Variants in PLXNA2 observed in about 807,000 individuals in gnomAD.
The protein encoded by PLXNA2 is plexin A2.
PLXNA2 carries 91 observed loss-of-function variants against 193.5 expected under a neutral mutation model. The observed-to-expected ratio is 0.47, with a 90% confidence interval of 0.40 to 0.56. The LOEUF (loss-of-function observed/expected upper bound fraction) is 0.56. PLXNA2 is among the 20% of genes least tolerant of loss of function. The pLI, the probability that PLXNA2 is intolerant of heterozygous loss-of-function variation, is 0.00. For synonymous variants in PLXNA2, 997 were observed against 1,027.3 expected (o/e 0.97, Z 0.56); for missense variants, 1,995 against 2,503.2 (o/e 0.80, Z 4.33).
chr1:208,091,195 G>A (rs564991186), intron 9 of PLXNA2, among the ~76,000 whole-genome samples: 1 of 152,300 alleles, frequency 6.6e-6, no homozygotes, highest in Admixed American at 6.5e-5. Context: ...AGCCACCTGT[G>A]GCATCTATGT....
At chr1:208,136,928 T>C (rs1334264715) in intron 4 of PLXNA2, among the ~76,000 whole-genome samples, 1 of 152,224 alleles carries the variant, frequency 6.6e-6, no homozygotes, top group East Asian at 1.9e-4. Context: ...GCTGGGTGAT[T>C]TATATGCATT....
chr1:208,080,868 T>C (rs1007327383), intron 11 of PLXNA2, among the ~76,000 whole-genome samples: 1 of 152,202 alleles, frequency 6.6e-6, no homozygotes, highest in African/African-American at 2.4e-5. Context: ...TCATCTGAGT[T>C]CACACAGCTG....
intron 4 of PLXNA2, among the ~76,000 whole-genome samples, chr1:208,138,195 A>T (rs1668358200): frequency 6.6e-6 from 1 of 152,224 alleles, no homozygotes; most frequent in Non-Finnish European, 1.5e-5. Flanking sequence ...AGCAATACAC[A>T]TTCAGTAGAA....
intron 1 of PLXNA2, among the ~76,000 whole-genome samples, chr1:208,223,227 C>G (rs1421231945): frequency 6.8e-6 from 1 of 147,582 alleles, no homozygotes; most frequent in Non-Finnish European, 1.5e-5. Flanking sequence ...TATTCCAACC[C>G]ACTGTTTTTT....
intron 3 of PLXNA2, among the ~76,000 whole-genome samples, chr1:208,174,959 G>A (rs1197878725): frequency 2.0e-5 from 3 of 152,182 alleles, no homozygotes; most frequent in Admixed American, 1.3e-4. Flanking sequence ...TACCTCCCTG[G>A]TGCTGGGAAC....
chr1:208,149,776 C>G (rs1025078808), intron 3 of PLXNA2, among the ~76,000 whole-genome samples: 1 of 152,100 alleles, frequency 6.6e-6, no homozygotes, highest in African/African-American at 2.4e-5. Context: ...AGATTTAAGT[C>G]TTTGGTAAAT....
intron 1 of PLXNA2, among the ~76,000 whole-genome samples, chr1:208,223,531 G>A (rs967814505): frequency 3.3e-5 from 5 of 152,186 alleles, no homozygotes; most frequent in Non-Finnish European, 7.3e-5. Flanking sequence ...AAAGAGGGGC[G>A]GATTAAGGGG....
At chr1:208,126,529 G>A (rs1667980661) in intron 4 of PLXNA2, among the ~76,000 whole-genome samples, 1 of 152,186 alleles carries the variant, frequency 6.6e-6, no homozygotes, top group Non-Finnish European at 1.5e-5. Context: ...TAGGCACTAT[G>A]CTCATGAAGC....
At chr1:208,162,844 C>A (rs1422828764) in intron 3 of PLXNA2, among the ~76,000 whole-genome samples, 1 of 152,120 alleles carries the variant, frequency 6.6e-6, no homozygotes, top group Non-Finnish European at 1.5e-5. Flanking sequence ...TAATCCCACT[C>A]CAAAGTCTGT....
intron 1 of PLXNA2, among the ~76,000 whole-genome samples, chr1:208,243,335 T>TGG (rs1179532633): frequency 6.6e-6 from 1 of 151,908 alleles, no homozygotes; most frequent in African/African-American, 2.4e-5. Flanking sequence ...AGGTGCGCGG[T>TGG]GGAGGCGCGC....
intron 3 of PLXNA2, among the ~76,000 whole-genome samples, chr1:208,186,705 G>A (rs1285399092): frequency 1.1e-5 from 1 of 88,500 alleles, no homozygotes; most frequent in Non-Finnish European, 2.2e-5. Context: ...GAATTGCAAT[G>A]TTATTTTATT....
intron 12 of PLXNA2, among the ~76,000 whole-genome samples, chr1:208,074,425 C>T (rs1006035045): frequency 1.6e-4 from 25 of 152,302 alleles, no homozygotes; most frequent in Non-Finnish European, 3.4e-4. Flanking sequence ...TGGGGGACAG[C>T]ATCATTATCA....
chr1:208,065,402 C>T (rs1035869164), intron 12 of PLXNA2, among the ~76,000 whole-genome samples: 25 of 152,182 alleles, frequency 1.6e-4, no homozygotes, highest in African/African-American at 4.8e-4. Context: ...ATCTCAATAT[C>T]CTCATTCAAA....
chr1:208,124,500 G>A (rs1315385377), intron 4 of PLXNA2, among the ~76,000 whole-genome samples: 3 of 151,868 alleles, frequency 2.0e-5, no homozygotes, highest in South Asian at 2.1e-4. Context: ...CCAACATGGC[G>A]AAACCCTATC....
rs571268915 is a variant in PLXNA2, at chr1:208,077,827, C to T, written c.2586+1433G>A. On this transcript the variant is annotated intron_variant, in intron 12 of 31. Coordinates refer to ENST00000367033, the MANE Select transcript of PLXNA2 (RefSeq NM_025179.4). ...AGAATAAAATGGGATTGAAGTAGCT[C>T]TGTCTTTGAAAGGCAGTGTCTGTGC... 6.6e-5 allele frequency among the ~76,000 whole-genome samples: 10 copies of T among 152,228 alleles called. No homozygotes were observed. The South Asian group carries it at 2.1e-3, about 32-fold the overall frequency.
rs151196533 is a variant in PLXNA2 at position 208,034,322 on chromosome 1, A to G, written c.4864+171T>C. ...CCTGCTCCCACGGCTCTGAGGGCGC[A>G]GGCTGCCTGGGAATGCCTGGACTAG... On this transcript the variant is annotated intron_variant, in intron 27 of 31. Transcript: ENST00000367033. Among the ~76,000 whole-genome samples, 46 of 152,362 alleles carry G rather than the reference A, an allele frequency of 3.0e-4. No individual in the cohort carries two copies. In the East Asian group the frequency reaches 3.9e-3, roughly 13 times the overall value.
At chr1:208,149,540 A>ATGTGTGTATAAGTGTGG (rs1189826101) in intron 3 of PLXNA2, among the ~76,000 whole-genome samples, 1 of 150,554 alleles carries the variant, frequency 6.6e-6, no homozygotes, top group Non-Finnish European at 1.5e-5. Context: ...TGTATGCAGT[A>ATGTGTGTATAAGTGTGG]TGTGTGTATA....
intron 29 of PLXNA2, 33 bp downstream of exon 29, chr1:208,031,557 C>A (rs1369130507): frequency 4.3e-6 from 7 of 1,613,216 alleles, no homozygotes; most frequent in Non-Finnish European, 5.1e-6. Flanking sequence ...CCTCTCCAGG[C>A]TGCACCTCCT....
rs201059045 is a variant in PLXNA2, at chr1:208,216,813, G to A, written c.1110C>T (p.Arg370=). ...CCTCGCCCTGGTAGCAGGACTGCAG[G>A]CGCTCCTTGATCTGCAAGTTGATGG... ...IRAINLQIKE[R]LQSCYQGEGN... is the part of the protein sequence containing the mutation. Residue 370 remains arginine, a synonymous_variant, in exon 2 of 32, where the codon CGC becomes CGT. Transcript: ENST00000367033. The A allele has an allele frequency of 6.2e-7, 1 of 1,614,074 alleles. No individual in the cohort carries two copies. Among genetic ancestry groups the A allele is most frequent in the Admixed American group, 1.7e-5 (1 of 60,006 alleles).
Sources: gnomAD v4.1 joint callset for allele counts (sites outside exome capture counted in the v4.1 genomes callset) on GRCh38, gnomAD v4.1.1 for gene constraint, MANE v1.5 for transcripts, NCBI Gene and HGNC (gene_info 2026-07-23, HGNC 2026-07-21) for gene names.